NCOR1: variants seen among roughly 807,000 people sequenced by gnomAD.
NCOR1 encodes protein phosphatase 1, regulatory subunit 109.
Under a neutral mutation model 288.1 loss-of-function variants are expected in NCOR1, and 63 were observed. That is an observed-to-expected ratio of 0.22 (90% confidence interval 0.18 to 0.27). The LOEUF is 0.27. NCOR1 is among the 10% of genes least tolerant of loss of function. The probability of loss-of-function intolerance (pLI) is 1.00; values close to 1 mark genes in which losing one functional copy is unlikely to be tolerated. For missense variants in NCOR1, 2,397 were observed against 3,019.2 expected, an observed-to-expected ratio of 0.79 and a Z score of 4.83; for synonymous variants, 1,007 against 1,065.9, an observed-to-expected ratio of 0.94 and a Z score of 1.08.
At chr17:16,077,445 A>G (rs943130952) in intron 26 of NCOR1, among the ~76,000 whole-genome samples, 1 of 113,480 alleles carries the variant, frequency 8.8e-6, no homozygotes, top group African/African-American at 3.3e-5. Context: ...AAGGTAAGGA[A>G]AGGGAAGGAG....
intron 19 of NCOR1, among the ~76,000 whole-genome samples, chr17:16,103,513 A>C (rs4792721): frequency 6.6e-6 from 1 of 152,096 alleles, no homozygotes; most frequent in Non-Finnish European, 1.5e-5. Flanking sequence ...TGCTGGTATG[A>C]TCTGCAAGGC....
At chr17:16,087,404 G>T in intron 22 of NCOR1, 1 of 1,164,262 alleles carries the variant, frequency 8.6e-7, no homozygotes, top group South Asian at 1.3e-5. Context: ...TAGTAAGTGT[G>T]AAAGGACCAA....
chr17:16,101,852 C>G (rs2153001730), intron 19 of NCOR1, 95 bp from the exon 20 acceptor site: 1 of 1,456,080 alleles, frequency 6.9e-7, no homozygotes, highest in East Asian at 2.4e-5. Flanking sequence ...GAACATGTTT[C>G]AGGTGGTGAT....
rs1971866915 is a variant in NCOR1, at chr17:16,030,934, G to A, written c.*1362C>T. Reference sequence around the variant, plus strand: ...AGTGCTAATTTTTATCATCCTGAGAGATCTGTTTCTCCCCTTTCCAGTTAC... The same window carrying A: ...AGTGCTAATTTTTATCATCCTGAGAAATCTGTTTCTCCCCTTTCCAGTTAC... On this transcript the variant is annotated 3_prime_UTR_variant, in exon 46 of 46. Transcript: ENST00000268712. 5.1e-6 allele frequency: 1 copy of A among 195,132 alleles called. No individual in the cohort carries two copies. Among genetic ancestry groups the A allele is most frequent in the South Asian group, 1.9e-4 (1 of 5,200 alleles). 12.1% of individuals were successfully genotyped at this position (195,132 alleles called of 1,614,324 possible).
At chr17:16,145,133 G>A (rs569729427) in intron 10 of NCOR1, among the ~76,000 whole-genome samples, 5 of 152,322 alleles carry the variant, frequency 3.3e-5, no homozygotes, top group Admixed American at 6.5e-5. Context: ...GCTCCTGACC[G>A]CGAGTGATCT....
At chr17:16,120,974 C>G in intron 16 of NCOR1, 78 bp downstream of exon 16, 1 of 1,292,480 alleles carries the variant, frequency 7.7e-7, no homozygotes, top group Non-Finnish European at 1.1e-6. Flanking sequence ...TATTAAAAGT[C>G]CTTTCTACCC....
chr17:16,064,217 TA>T (rs2152658376), intron 34 of NCOR1, 30 bp from the exon 35 acceptor site: 1 of 1,597,064 alleles, frequency 6.3e-7, no homozygotes, highest in East Asian at 2.2e-5. Context: ...AGCTTAAAGA[TA>T]AAAATATCAA....
chr17:16,208,117 T>G (rs1038586327), intron 1 of NCOR1, among the ~76,000 whole-genome samples: 3 of 138,744 alleles, frequency 2.2e-5, no homozygotes, highest in African/African-American at 7.9e-5. Context: ...CTCGGTTCAC[T>G]GCAACCTCTG....
intron 5 of NCOR1, among the ~76,000 whole-genome samples, chr17:16,164,497 A>C (rs1362053927): frequency 6.6e-6 from 1 of 152,228 alleles, no homozygotes; most frequent in Non-Finnish European, 1.5e-5. Flanking sequence ...ACCACAGAGA[A>C]GACTATTTCA....
rs556707366 is a variant in NCOR1, at chr17:16,165,406, T to A, written c.436-245A>T. 3.9e-5 allele frequency among the ~76,000 whole-genome samples: 6 copies of A among 152,322 alleles called. No homozygotes were observed. The East Asian group carries it at 1.2e-3, about 29-fold the overall frequency. On this transcript the variant is annotated intron_variant, in intron 4 of 45. Coordinates refer to ENST00000268712, the MANE Select transcript of NCOR1 (RefSeq NM_006311.4). ...ACAAAGTGAGGTGAGTTAGTGTTGA[T>A]CAGCCTCTAGTATAACAATACTGAA...
At chr17:16,108,997 GCA>G (rs199740918) in intron 18 of NCOR1, 85 bp from the exon 19 acceptor site, 526 of 1,048,128 alleles carry the variant, frequency 5.0e-4, no homozygotes, top group Middle Eastern at 6.6e-4. Context: ...ACATTGATAA[GCA>G]CACACACACA....
At position 16,048,935 on chromosome 17, in the gene NCOR1, G is replaced by A; in HGVS notation, c.6446C>T (p.Pro2149Leu). The A allele has an allele frequency of 6.2e-7, 1 of 1,613,700 alleles. No homozygotes were observed. Among genetic ancestry groups the A allele is most frequent in the Non-Finnish European group, 8.5e-7 (1 of 1,179,750 alleles). ...AACCGGAACCTGGGGTGGGGAGATG[G>A]GCTCGTAGGGCTCCGAAGAGACGTG... ...RSHVSSEPYE[P>L]ISPPQVPVVH... The change falls in exon 41 of 46, where the codon CCC becomes CTC. Residue 2149 changes from proline to leucine, a missense_variant. Transcript: ENST00000268712.
chr17:16,215,318 C>T, intron 1 of NCOR1, 44 bp downstream of exon 1: 1 of 391,226 alleles, frequency 2.6e-6, no homozygotes, highest in East Asian at 3.6e-5. Flanking sequence ...CCCGGACTAG[C>T]AGGAGCCCGG....
intron 15 of NCOR1, among the ~76,000 whole-genome samples, chr17:16,124,388 G>C (rs1467696525): frequency 6.6e-6 from 1 of 152,196 alleles, no homozygotes; most frequent in African/African-American, 2.4e-5. Flanking sequence ...CCAGAGGCTG[G>C]AAATGAGGAA....
At chr17:16,049,365 A>G (rs757534246) in intron 40 of NCOR1, 1 of 157,320 alleles carries the variant, frequency 6.4e-6, no homozygotes. Flanking sequence ...TTTCCTACCT[A>G]TTTTGAGTCG....
In NCOR1 at chr17:16,139,101, A is replaced by G. The variant is rs765243802; in HGVS notation, c.1259T>C (p.Met420Thr). ...AEQRRVKFIN[M>T]NGLMEDPMKV... is the part of the protein sequence containing the mutation. ...CATAGGGTCCTCCATAAGCCCATTC[A>G]TGTTAATGAACTTGACTCGTCTTTG... The change falls in exon 12 of 46, where the codon ATG becomes ACG. Residue 420 changes from methionine (M) to threonine (T), a missense_variant. Around this residue, in one of 11 missense-constraint regions of NCOR1, gnomAD observed 80 missense variants for 100.3 expected, o/e 0.80. Transcript: ENST00000268712. 6.2e-7 allele frequency: 1 copy of G among 1,613,584 alleles called. No homozygotes were observed. The highest frequency in any genetic ancestry group is 1.1e-5 in the South Asian group (1 of 91,016).
At chr17:16,159,006 T>C in intron 5 of NCOR1, 133 bp from the exon 6 acceptor site, 1 of 498,254 alleles carries the variant, frequency 2.0e-6, no homozygotes, top group Admixed American at 3.6e-5. Flanking sequence ...TCCATGAAGG[T>C]CTCATGGACC....
At chr17:16,052,642 G>C (rs1012841560) in intron 40 of NCOR1, among the ~76,000 whole-genome samples, 16 of 152,100 alleles carry the variant, frequency 1.1e-4, no homozygotes, top group Admixed American at 3.9e-4. Flanking sequence ...CCCATGACCA[G>C]ACACATTCAC....
chr17:16,129,930 A>AACC (rs1169019366), intron 14 of NCOR1, among the ~76,000 whole-genome samples: 1 of 152,202 alleles, frequency 6.6e-6, no homozygotes, highest in African/African-American at 2.4e-5. Context: ...TCTAAAATCC[A>AACC]ACCAACAGAT....
Sources: gnomAD v4.1 joint callset for allele counts (sites outside exome capture counted in the v4.1 genomes callset) on GRCh38, gnomAD v4.1.1 for gene constraint, gnomAD v4.1.1 regional missense constraint, MANE v1.5 for transcripts, NCBI Gene and HGNC (gene_info 2026-07-23, HGNC 2026-07-21) for gene names.